Variants in STK3 observed in about 807,000 individuals in gnomAD.
The protein encoded by STK3 is serine/threonine-protein kinase 3.
In STK3, 41 loss-of-function variants were observed where a neutral mutation model predicts 58.0. That is an observed-to-expected ratio of 0.71 (90% CI 0.55 to 0.92). STK3 has a LOEUF of 0.92. Ranked by LOEUF, STK3 falls within the 40% of genes least tolerant of loss-of-function variation. STK3 has a pLI of 0.00. For synonymous variants in STK3, 170 were observed against 191.0 expected, an observed-to-expected ratio of 0.89 and a Z score of 0.91; for missense variants, 479 against 602.7, an observed-to-expected ratio of 0.79 and a Z score of 2.15.
intron 8 of STK3, among the ~76,000 whole-genome samples, chr8:98,563,535 A>C (rs1454942955): frequency 2.0e-5 from 3 of 152,124 alleles, no homozygotes; most frequent in African/African-American, 7.2e-5. Flanking sequence ...CCCACAGTAC[A>C]AAAAAGTCCC....
chr8:98,479,876 C>T (rs898728542), intron 10 of STK3, among the ~76,000 whole-genome samples: 1 of 152,100 alleles, frequency 6.6e-6, no homozygotes, highest in East Asian at 1.9e-4. Context: ...AATGGGAAAT[C>T]TCAGCAGAGA....
At chr8:98,720,926 T>C (rs60243219) in intron 4 of STK3, 2,987 of 202,232 alleles carry the variant, frequency 0.015, 87 homozygotes, top group African/African-American at 0.06. Context: ...ATACCAGCCA[T>C]AAATAGGCAG....
intron 4 of STK3, among the ~76,000 whole-genome samples, chr8:98,739,057 C>T (rs1022476612): frequency 1.4e-4 from 21 of 152,260 alleles, no homozygotes; most frequent in African/African-American, 2.2e-4. Flanking sequence ...CCGCCATTGC[C>T]CAAGCTTGCT....
intron 8 of STK3, among the ~76,000 whole-genome samples, chr8:98,558,458 T>G (rs2131621275): frequency 6.6e-6 from 1 of 152,226 alleles, no homozygotes; most frequent in Admixed American, 6.5e-5. Context: ...TCTTTCACAT[T>G]CAGTAACCTC....
At chr8:98,933,578 A>G (rs1457435363) in intron 1 of STK3, among the ~76,000 whole-genome samples, 2 of 152,258 alleles carry the variant, frequency 1.3e-5, no homozygotes, top group East Asian at 1.9e-4. Flanking sequence ...TATCTATCCA[A>G]TTCTCTCAGG....
chr8:98,593,605 T>C (rs576762106), intron 7 of STK3, among the ~76,000 whole-genome samples: 101 of 152,262 alleles, frequency 6.6e-4, no homozygotes, highest in Non-Finnish European at 1.2e-3. Context: ...ACAAACCCTA[T>C]TGTGACCTGC....
chr8:98,624,648 T>A (rs1418754402), intron 6 of STK3, among the ~76,000 whole-genome samples: 1 of 151,286 alleles, frequency 6.6e-6, no homozygotes, highest in Non-Finnish European at 1.5e-5. Flanking sequence ...AGGTCAGGAG[T>A]TCGAGACTAG....
the STK3 span, among the ~76,000 whole-genome samples, chr8:98,363,308 A>G: frequency 6.6e-6 from 1 of 152,188 alleles, no homozygotes; most frequent in Non-Finnish European, 1.5e-5. Flanking sequence ...CAGGAAACAT[A>G]TGAGGCTAAA....
At chr8:98,894,323 C>T (rs1216047787) in intron 1 of STK3, among the ~76,000 whole-genome samples, 1 of 152,198 alleles carries the variant, frequency 6.6e-6, no homozygotes, top group African/African-American at 2.4e-5. Context: ...CCCAAACTAC[C>T]TTGTTATCTT....
chr8:98,755,850 T>C (rs973745023), intron 3 of STK3, among the ~76,000 whole-genome samples: 1 of 151,974 alleles, frequency 6.6e-6, no homozygotes, highest in Non-Finnish European at 1.5e-5. Context: ...ATATACAAAC[T>C]AAAGAAGCAG....
chr8:98,876,129 C>T (rs912377150), intron 3 of STK3, among the ~76,000 whole-genome samples: 4 of 152,200 alleles, frequency 2.6e-5, no homozygotes, highest in African/African-American at 9.6e-5. Context: ...TGTCCAATCC[C>T]TTCTGGGGTA....
chr8:98,463,682 A>C (rs1210543459), intron 10 of STK3, among the ~76,000 whole-genome samples: 1 of 152,184 alleles, frequency 6.6e-6, no homozygotes, highest in Non-Finnish European at 1.5e-5. Flanking sequence ...GTCAAGTGAT[A>C]AAACTTACTT....
Position 98,722,843 on chromosome 8 carries a change from C to CTT in STK3, c.352-15533_352-15532insAA, listed in dbSNP as rs773951560. On this transcript the variant is annotated intron_variant, in intron 4 of 10. Transcript: ENST00000419617. ...ACTGAAAACACCAAGAGGGAGAAAACACATGAGAGAGGATCTGCTTCATAT... is the reference window on the plus strand; with the variant it reads ...ACTGAAAACACCAAGAGGGAGAAAACTTACATGAGAGAGGATCTGCTTCATAT... The CTT allele has an allele frequency of 6.2e-6, 3 of 487,310 alleles. No individual in the cohort carries two copies. In the East Asian group the frequency reaches 1.8e-4, roughly 29 times the overall value. 30.2% of individuals were successfully genotyped at this position (487,310 alleles called of 1,614,324 possible). A position where few individuals can be genotyped will look rare whatever the true frequency, so the allele number is the denominator to read the frequency against.
chr8:98,813,979 AG>A (rs143152418), intron 1 of STK3, among the ~76,000 whole-genome samples: 4,535 of 152,320 alleles, frequency 0.03, 101 homozygotes, highest in South Asian at 0.068. Flanking sequence ...ATTTTAATCC[AG>A]TTCGTTGTAA....
At chr8:98,621,690 T>C (rs1818338368) in intron 6 of STK3, among the ~76,000 whole-genome samples, 2 of 152,248 alleles carry the variant, frequency 1.3e-5, no homozygotes, top group South Asian at 4.1e-4. Flanking sequence ...TGCATTACAT[T>C]GATTCAGCTG....
At chr8:98,714,114 T>C (rs1826786022) in intron 4 of STK3, among the ~76,000 whole-genome samples, 1 of 152,218 alleles carries the variant, frequency 6.6e-6, no homozygotes, top group Non-Finnish European at 1.5e-5. Flanking sequence ...AAATTAGGTA[T>C]TGATGGGATG....
intron 1 of STK3, among the ~76,000 whole-genome samples, chr8:98,922,667 C>T (rs1056842506): frequency 1.3e-5 from 2 of 152,140 alleles, no homozygotes; most frequent in Non-Finnish European, 2.9e-5. Flanking sequence ...CTATTATATA[C>T]AAGGCACTGC....
chr8:98,935,347 A>G (rs1483804611), intron 1 of STK3, among the ~76,000 whole-genome samples: 1 of 152,202 alleles, frequency 6.6e-6, no homozygotes. Flanking sequence ...GTCTATATTT[A>G]TGTGGGAGAA....
chr8:98,703,994 T>C (rs1465788941), intron 6 of STK3, among the ~76,000 whole-genome samples: 3 of 152,208 alleles, frequency 2.0e-5, no homozygotes, highest in Non-Finnish European at 2.9e-5. Flanking sequence ...ATATTCTACA[T>C]TGACAAAATG....
Sources: gnomAD v4.1 joint callset for allele counts (sites outside exome capture counted in the v4.1 genomes callset) on GRCh38, gnomAD v4.1.1 for gene constraint, MANE v1.5 for transcripts, NCBI Gene and HGNC (gene_info 2026-07-23, HGNC 2026-07-21) for gene names.